Variants in WDFY2 observed in about 807,000 individuals in gnomAD.
WDFY2 encodes WD repeat and FYVE domain-containing protein 2.
WDFY2 carries 36 observed loss-of-function variants against 56.4 expected under a neutral mutation model. The ratio of observed to expected loss-of-function variants is 0.64; its 90% CI spans 0.49 to 0.84. The LOEUF (loss-of-function observed/expected upper bound fraction) is 0.84. Ranked by LOEUF, WDFY2 falls within the 40% of genes least tolerant of loss-of-function variation. The pLI, the probability that WDFY2 is intolerant of heterozygous loss-of-function variation, is 0.00. For synonymous variants in WDFY2, 176 were observed against 183.7 expected, an observed-to-expected ratio of 0.96 and a Z score of 0.34; for missense variants, 444 against 512.2, an observed-to-expected ratio of 0.87 and a Z score of 1.29.
chr13:51,718,356 T>C (rs1484883178), intron 4 of WDFY2, among the ~76,000 whole-genome samples: 1 of 152,182 alleles, frequency 6.6e-6, no homozygotes, highest in Non-Finnish European at 1.5e-5. Context: ...CCACCTGATT[T>C]CATTTGGTAA....
At chr13:51,632,374 T>A (rs962169609) in intron 1 of WDFY2, among the ~76,000 whole-genome samples, 2 of 152,190 alleles carry the variant, frequency 1.3e-5, no homozygotes, top group African/African-American at 4.8e-5. Context: ...ACTTTTTCTT[T>A]ACTTAAATAT....
At chr13:51,662,107 A>G (rs1226998549) in intron 2 of WDFY2, among the ~76,000 whole-genome samples, 7 of 152,028 alleles carry the variant, frequency 4.6e-5, no homozygotes, top group Non-Finnish European at 1.5e-5. Context: ...AGTAGCTGAG[A>G]CTACAGGCGC....
rs150398495 is a variant in WDFY2, at chr13:51,619,013, C to G, written c.137+34189C>G. Among the ~76,000 whole-genome samples, 52 of 152,352 alleles carry G rather than the reference C, an allele frequency of 3.4e-4. 2 individuals are homozygous for G. In the East Asian group the frequency reaches 9.8e-3, roughly 29 times the overall value. ...GATCCCCTTTGCTGCTCTGAAAATGCTATTACTCTAATGGTGAGCTGCAGA... is the reference window on the plus strand; with the variant it reads ...GATCCCCTTTGCTGCTCTGAAAATGGTATTACTCTAATGGTGAGCTGCAGA... On this transcript the variant is annotated intron_variant, in intron 1 of 11. Coordinates refer to ENST00000298125, the MANE Select transcript of WDFY2 (RefSeq NM_052950.4).
Position 51,639,286 on chromosome 13 carries a change from G to A in WDFY2, c.138-21310G>A, listed in dbSNP as rs527515628. ...AAGGTAATGTGATTTTGATTTATGG[G>A]ATTTATTAACATTCATGAGTATACA... On this transcript the variant is annotated intron_variant, in intron 1 of 11. Transcript: ENST00000298125. 2.6e-5 allele frequency among the ~76,000 whole-genome samples: 4 copies of A among 152,212 alleles called. No homozygotes were observed. In the South Asian group the frequency reaches 8.3e-4, roughly 32 times the overall value.
chr13:51,592,132 T>C (rs1345804585), intron 1 of WDFY2: 1 of 150,808 alleles, frequency 6.6e-6, no homozygotes, highest in Non-Finnish European at 1.5e-5. Context: ...CCCTAAAACT[T>C]AAAGTGTAAT....
chr13:51,629,594 A>G (rs976774492), intron 1 of WDFY2, among the ~76,000 whole-genome samples: 3 of 152,210 alleles, frequency 2.0e-5, no homozygotes, highest in Admixed American at 1.3e-4. Flanking sequence ...TGCACTCTAC[A>G]TAGAGGATAA....
At chr13:51,652,811 G>A (rs950296843) in intron 1 of WDFY2, among the ~76,000 whole-genome samples, 12 of 152,162 alleles carry the variant, frequency 7.9e-5, no homozygotes, top group African/African-American at 2.7e-4. Flanking sequence ...TGAGTAACCC[G>A]ACCTTTCTCT....
intron 1 of WDFY2, among the ~76,000 whole-genome samples, chr13:51,595,915 C>G (rs1305438582): frequency 6.6e-6 from 1 of 152,142 alleles, no homozygotes; most frequent in African/African-American, 2.4e-5. Flanking sequence ...GGGCCAGGGA[C>G]TGGAGTCAGA....
chr13:51,671,462 A>G (rs1037610767), intron 2 of WDFY2, among the ~76,000 whole-genome samples: 1 of 152,086 alleles, frequency 6.6e-6, no homozygotes, highest in African/African-American at 2.4e-5. Flanking sequence ...TTCCCTGATC[A>G]TTAGTGATGT....
chr13:51,618,481 CTG>C lies in WDFY2; in HGVS notation c.137+33661_137+33662del, dbSNP rs1425525718. On this transcript the variant is annotated intron_variant, in intron 1 of 11. Coordinates refer to ENST00000298125, the MANE Select transcript of WDFY2 (RefSeq NM_052950.4). ...ATTAATAAAATTAGTTAATGAATGC[CTG>C]TGTATGTGGATGAATAAGTGCACAA... Among the ~76,000 whole-genome samples the C allele has an allele frequency of 5.9e-5, 9 of 152,306 alleles. No homozygotes were observed. The East Asian group carries it at 1.5e-3, about 26-fold the overall frequency.
intron 7 of WDFY2, among the ~76,000 whole-genome samples, chr13:51,743,527 A>G (rs1953023791): frequency 6.6e-6 from 1 of 152,230 alleles, no homozygotes; most frequent in Admixed American, 6.5e-5. Context: ...TACTCTTGTT[A>G]ATAAAAAATT....
In WDFY2 at chr13:51,760,416, T is replaced by G. The variant is rs1953544470; in HGVS notation, c.*647T>G. Reference sequence around the variant, plus strand: ...CACGTTCTTATGAAGTAGAAAAGACTGTGTTTCTGCCTCAGTTGCCTCTGT... The same window carrying G: ...CACGTTCTTATGAAGTAGAAAAGACGGTGTTTCTGCCTCAGTTGCCTCTGT... On this transcript the variant is annotated 3_prime_UTR_variant, in exon 12 of 12. Coordinates refer to ENST00000298125, the MANE Select transcript of WDFY2 (RefSeq NM_052950.4). 6.6e-6 allele frequency: 1 copy of G among 152,164 alleles called. No homozygotes were observed. The highest frequency in any genetic ancestry group is 1.5e-5 in the Non-Finnish European group (1 of 68,034). The allele number at this position is 152,164 out of a possible 1,614,324, so 9.4% of individuals were successfully genotyped here. A position where few individuals can be genotyped will look rare whatever the true frequency, so the allele number is the denominator to read the frequency against.
At chr13:51,723,544 A>G (rs888631195) in intron 5 of WDFY2, among the ~76,000 whole-genome samples, 3 of 152,140 alleles carry the variant, frequency 2.0e-5, no homozygotes, top group African/African-American at 7.2e-5. Context: ...AATTGATGTC[A>G]TTTAACTTGC....
chr13:51,662,171 A>G (rs1291949145), intron 2 of WDFY2, among the ~76,000 whole-genome samples: 1 of 152,092 alleles, frequency 6.6e-6, no homozygotes, highest in East Asian at 1.9e-4. Flanking sequence ...GGGTTTCACC[A>G]TGTTAGCCAG....
intron 3 of WDFY2, among the ~76,000 whole-genome samples, chr13:51,680,649 A>G (rs1310061087): frequency 6.6e-6 from 1 of 152,198 alleles, no homozygotes; most frequent in African/African-American, 2.4e-5. Flanking sequence ...AATGTGAGAC[A>G]TGATGTCTTC....
chr13:51,708,166 G>A (rs1952128340), intron 4 of WDFY2, among the ~76,000 whole-genome samples: 1 of 151,610 alleles, frequency 6.6e-6, no homozygotes, highest in African/African-American at 2.4e-5. Context: ...ACAGGCGTGA[G>A]CCACCACTCC....
chr13:51,720,252 C>T (rs186379617), intron 5 of WDFY2, among the ~76,000 whole-genome samples: 14 of 152,212 alleles, frequency 9.2e-5, no homozygotes, highest in African/African-American at 2.4e-4. Context: ...TGAAACTGTG[C>T]GGCATTCAAA....
At chr13:51,643,977 C>CT (rs1955221662) in intron 1 of WDFY2, among the ~76,000 whole-genome samples, 1 of 152,162 alleles carries the variant, frequency 6.6e-6, no homozygotes, top group Admixed American at 6.5e-5. Flanking sequence ...GACTTGCTAA[C>CT]TAACATTGAT....
intron 4 of WDFY2, among the ~76,000 whole-genome samples, chr13:51,711,166 CT>C (rs1434781649): frequency 6.6e-6 from 1 of 152,124 alleles, no homozygotes; most frequent in African/African-American, 2.4e-5. Context: ...TTTGACAAAC[CT>C]GACAAAAACA....
Sources: allele counts gnomAD v4.1 joint callset (sites outside exome capture counted in the v4.1 genomes callset), GRCh38; gene constraint gnomAD v4.1.1; transcripts MANE v1.5; gene names NCBI Gene and HGNC (gene_info 2026-07-23, HGNC 2026-07-21).